The following NUP98 variants were observed in gnomAD, a reference collection of about 807,000 sequenced individuals.
NUP98 encodes the protein nucleoporin 98 and 96 precursor.
Under a neutral mutation model 191.9 loss-of-function variants are expected in NUP98, and 26 were observed. That is an observed-to-expected ratio of 0.14 (90% CI 0.10 to 0.19). NUP98 has a LOEUF of 0.19. Ranked by LOEUF, NUP98 falls within the 10% of genes least tolerant of loss-of-function variation. The pLI is 1.00. For synonymous variants in NUP98, 808 were observed against 778.4 expected, an observed-to-expected ratio of 1.04 and a Z score of -0.63; for missense variants, 1,941 against 2,178.8, an observed-to-expected ratio of 0.89 and a Z score of 2.17.
intron 11 of NUP98, among the ~76,000 whole-genome samples, chr11:3,749,853 A>C (rs1458667582): frequency 6.6e-6 from 1 of 152,226 alleles, no homozygotes; most frequent in African/African-American, 2.4e-5. Context: ...TGGAAAATAC[A>C]GAAAAATGGG....
chr11:3,788,093 A>G (rs1298337870), intron 1 of NUP98, among the ~76,000 whole-genome samples: 1 of 152,168 alleles, frequency 6.6e-6, no homozygotes, highest in Non-Finnish European at 1.5e-5. Context: ...TTGTTATTAT[A>G]CCTGCCACCT....
intron 28 of NUP98, among the ~76,000 whole-genome samples, chr11:3,688,499 T>C (rs980379962): frequency 4.0e-5 from 6 of 151,196 alleles, no homozygotes; most frequent in Non-Finnish European, 7.4e-5. Context: ...ATATAATTAA[T>C]ATAGTTAAAT....
chr11:3,721,402 A>C (rs985059670), intron 16 of NUP98, among the ~76,000 whole-genome samples: 1 of 152,242 alleles, frequency 6.6e-6, no homozygotes, highest in Non-Finnish European at 1.5e-5. Flanking sequence ...AGCTAAAAGA[A>C]AGATGAAAAA....
intron 1 of NUP98, among the ~76,000 whole-genome samples, chr11:3,795,026 C>T (rs1197214551): frequency 6.6e-6 from 1 of 152,200 alleles, no homozygotes; most frequent in East Asian, 1.9e-4. Flanking sequence ...TCTTTACTTT[C>T]CAGGTTAACT....
chr11:3,676,471 G>C, intron 32 of NUP98, 38 bp downstream of exon 32: 1 of 1,603,828 alleles, frequency 6.2e-7, no homozygotes, highest in Non-Finnish European at 8.5e-7. Context: ...AAAACAGGAA[G>C]CAAGAAGGCA....
intron 16 of NUP98, 152 bp from the exon 17 acceptor site, chr11:3,720,977 T>A (rs747201053): frequency 2.8e-4 from 38 of 137,900 alleles, no homozygotes; most frequent in Non-Finnish European, 4.6e-4. Flanking sequence ...GGTGTGTGAG[T>A]GTGTGTGTGT....
intron 1 of NUP98, among the ~76,000 whole-genome samples, chr11:3,795,686 C>G (rs1365421641): frequency 6.6e-6 from 1 of 151,936 alleles, no homozygotes; most frequent in East Asian, 1.9e-4. Context: ...AAAAAAACAG[C>G]TAAAATAAAA....
intron 25 of NUP98, chr11:3,696,736 G>A (rs1023695280): frequency 6.6e-5 from 10 of 152,186 alleles, no homozygotes; most frequent in Non-Finnish European, 1.5e-4. Context: ...CTTGAACCCA[G>A]GAGGCAAACG....
intron 1 of NUP98, among the ~76,000 whole-genome samples, chr11:3,789,271 C>A (rs371016374): frequency 5.3e-4 from 81 of 152,252 alleles, no homozygotes; most frequent in Middle Eastern, 6.8e-3. Context: ...AACTTTGGTT[C>A]AATGGCTAGC....
intron 4 of NUP98, among the ~76,000 whole-genome samples, chr11:3,778,443 T>C (rs1244508779): frequency 6.6e-6 from 1 of 152,152 alleles, no homozygotes; most frequent in Non-Finnish European, 1.5e-5. Context: ...CCATGTCACG[T>C]CCATTATGTC....
Position 3,705,362 on chromosome 11 carries a change from A to C in NUP98, c.2926-6T>G. ...AGCAATGATGCTTTCATGATCTAAAAAGGCAATATCTATAGAATGAATGTG... is the reference window on the plus strand; with the variant it reads ...AGCAATGATGCTTTCATGATCTAAACAGGCAATATCTATAGAATGAATGTG... On this transcript the variant is annotated splice_polypyrimidine_tract_variant and splice_region_variant and intron_variant, in intron 21 of 32. Transcript: ENST00000324932. 1.2e-6 allele frequency: 2 copies of C among 1,613,892 alleles called. No homozygotes were observed. Among genetic ancestry groups the C allele is most frequent in the Non-Finnish European group, 1.7e-6 (2 of 1,179,858 alleles).
chr11:3,738,522 T>C (rs2080159260), intron 12 of NUP98, among the ~76,000 whole-genome samples: 2 of 152,268 alleles, frequency 1.3e-5, no homozygotes, highest in East Asian at 1.9e-4. Flanking sequence ...CTCATGCCAG[T>C]AATCCCAGCA....
chr11:3,731,470 T>A lies in NUP98; in HGVS notation c.1651A>T (p.Thr551Ser). ...TRVRPKALQT[T>S]GTAKSHLFDG... ...AAGAGATGTGACTTGGCTGTGCCTG[T>A]TGTTTGTAAAGCCTTTGGCCGGACT... The change falls in exon 14 of 33, where the codon ACA becomes TCA. Residue 551 changes from threonine (T) to serine (S), a missense_variant. Physicochemically the swap from Thr to Ser is moderately conservative, Grantham distance 58. Around this residue, in one of 6 missense-constraint regions of NUP98, gnomAD observed 453 missense variants for 438.2 expected, o/e 1.03. Transcript: ENST00000324932. 6.2e-7 allele frequency: 1 copy of A among 1,608,668 alleles called. No individual in the cohort carries two copies. The highest frequency in any genetic ancestry group is 8.5e-7 in the Non-Finnish European group (1 of 1,177,278).
Position 3,771,886 on chromosome 11 carries a change from G to C in NUP98, c.646C>G (p.Gln216Glu), listed in dbSNP as rs2133906921. ...EDYQANRKGP[Q>E]NQVGAGTTTG... is the part of the protein sequence containing the mutation. ...GTGGTACCTGCTCCCACCTGGTTCT[G>C]TGGGCCCTTCCTGTTAGCCTGATAA... Residue 216 changes from glutamine (Q) to glutamate (E), a missense_variant, in exon 7 of 33, where the codon CAG becomes GAG. Around this residue, in one of 6 missense-constraint regions of NUP98, gnomAD observed 28 missense variants for 74.0 expected, o/e 0.38. Transcript: ENST00000324932. 1 of 1,614,128 alleles carries C rather than the reference G, an allele frequency of 6.2e-7. No homozygotes were observed. Among genetic ancestry groups the C allele is most frequent in the Admixed American group, 1.7e-5 (1 of 60,008 alleles).
At chr11:3,755,820 C>T (rs34607553) in intron 10 of NUP98, among the ~76,000 whole-genome samples, 26,413 of 151,970 alleles carry the variant, frequency 0.17, 2,499 homozygotes, top group Non-Finnish European at 0.22. Context: ...AAAAATTAGC[C>T]GGGTGTGGTG....
In NUP98 at chr11:3,695,479, C is replaced by T; in HGVS notation, c.4137G>A (p.Leu1379=). Residue 1379 remains leucine (L), a synonymous_variant, in exon 26 of 33, where the codon CTG becomes CTA. Coordinates refer to ENST00000324932, the MANE Select transcript of NUP98 (RefSeq NM_016320.5). ...TTCCAGCCAACAGAGCAAAGATGCGCAGTCTCTCATCCTGGATGAAGGAGT... is the reference window on the plus strand; with the variant it reads ...TTCCAGCCAACAGAGCAAAGATGCGTAGTCTCTCATCCTGGATGAAGGAGT... ...QADSFIQDER[L]RIFALLAGKP... 2 of 1,586,016 alleles carry T rather than the reference C, an allele frequency of 1.3e-6. No individual in the cohort carries two copies. The highest frequency in any genetic ancestry group is 2.3e-5 in the East Asian group (1 of 43,876).
At chr11:3,766,056 C>A (rs985663672) in intron 8 of NUP98, among the ~76,000 whole-genome samples, 5 of 152,104 alleles carry the variant, frequency 3.3e-5, no homozygotes, top group African/African-American at 1.2e-4. Context: ...AACACAATTA[C>A]TATTGCTTTA....
intron 30 of NUP98, among the ~76,000 whole-genome samples, chr11:3,681,450 T>A (rs2077981405): frequency 6.6e-6 from 1 of 152,204 alleles, no homozygotes; most frequent in South Asian, 2.1e-4. Flanking sequence ...ATGAAATGTA[T>A]TTCTTAAATA....
chr11:3,780,761 T>C (rs1397683028), intron 2 of NUP98, among the ~76,000 whole-genome samples: 2 of 151,286 alleles, frequency 1.3e-5, no homozygotes, highest in Non-Finnish European at 2.9e-5. Flanking sequence ...CACGGCAAGA[T>C]CTCACCTCTA....
Sources: allele counts gnomAD v4.1 joint callset (sites outside exome capture counted in the v4.1 genomes callset), GRCh38; gene constraint gnomAD v4.1.1; regional missense constraint gnomAD v4.1.1; transcripts MANE v1.5; gene names NCBI Gene and HGNC (gene_info 2026-07-23, HGNC 2026-07-21).